Variants in MUC7 observed in about 807,000 individuals in gnomAD.
The protein encoded by MUC7 is mucin 7, secreted.
A neutral mutation model predicts 2.5 loss-of-function variants in MUC7; 2 were observed. The observed-to-expected ratio is 0.81, with a 90% CI of 0.33 to 2.55. The LOEUF is 2.55. MUC7 is among the 30% of genes most tolerant of loss of function. MUC7 has a pLI of 0.11. For missense variants in MUC7, 408 were observed against 455.6 expected (o/e 0.90, Z 0.95); for synonymous variants, 133 against 173.4 (o/e 0.77, Z 1.83).
At chr4:70,441,961 A>G (rs1734018155) in intron 1 of MUC7, among the ~76,000 whole-genome samples, 1 of 152,202 alleles carries the variant, frequency 6.6e-6, no homozygotes, top group Admixed American at 6.5e-5. Context: ...GTGAGTGAAT[A>G]CAACTCTAGA....
In MUC7 at chr4:70,432,635, T is replaced by C. The variant is rs181273450; in HGVS notation, c.-93+1948T>C. 5.3e-5 allele frequency among the ~76,000 whole-genome samples: 8 copies of C among 152,280 alleles called. No individual in the cohort carries two copies. The East Asian group carries it at 1.5e-3, about 29-fold the overall frequency. ...GTTTAAGCTCTTTGTAGATTCTTGA[T>C]ATTAGCCCTTTAGTAGATTGCAAAA... On this transcript the variant is annotated intron_variant, in intron 1 of 3. Coordinates refer to the MUC7 transcript ENST00000413702.
chr4:70,468,585 C>A (rs1468617036), upstream of MUC7, among the ~76,000 whole-genome samples: 4 of 152,100 alleles, frequency 2.6e-5, no homozygotes, highest in Non-Finnish European at 5.9e-5. Context: ...AATCAATGGG[C>A]AAAAATCACA....
upstream of MUC7, among the ~76,000 whole-genome samples, chr4:70,470,761 T>C (rs1009164257): frequency 6.6e-6 from 1 of 152,190 alleles, no homozygotes; most frequent in Non-Finnish European, 1.5e-5. Flanking sequence ...ATATCACTAG[T>C]TGCTAGCAAA....
chr4:70,435,816 G>C (rs1733816989), intron 1 of MUC7, among the ~76,000 whole-genome samples: 2 of 152,252 alleles, frequency 1.3e-5, no homozygotes, highest in Admixed American at 1.3e-4. Flanking sequence ...TTACACTTTG[G>C]CATGTTTTTG....
intron 1 of MUC7, among the ~76,000 whole-genome samples, chr4:70,432,832 A>G (rs191428154): frequency 6.6e-6 from 1 of 152,112 alleles, no homozygotes; most frequent in Non-Finnish European, 1.5e-5. Flanking sequence ...GGTATTGCCT[A>G]GGTTTTCTTC....
upstream of MUC7, among the ~76,000 whole-genome samples, chr4:70,471,681 A>T (rs1560556423): frequency 6.6e-6 from 1 of 152,172 alleles, no homozygotes. Context: ...AAAAGTCAAA[A>T]ATTGTTTTTA....
At chr4:70,443,302 T>C (rs1278043715) in intron 1 of MUC7, among the ~76,000 whole-genome samples, 1 of 137,788 alleles carries the variant, frequency 7.3e-6, no homozygotes. Context: ...AAGAACAACC[T>C]AACACAAAAA....
upstream of MUC7, among the ~76,000 whole-genome samples, chr4:70,468,569 C>A (rs148198124): frequency 1.9e-4 from 29 of 152,230 alleles, no homozygotes; most frequent in African/African-American, 6.5e-4. Context: ...AAGTCTCAGG[C>A]TACAAAATCA....
chr4:70,433,840 A>G (rs1162774997), intron 1 of MUC7, among the ~76,000 whole-genome samples: 2 of 152,220 alleles, frequency 1.3e-5, no homozygotes, highest in Non-Finnish European at 2.9e-5. Context: ...TTGCCCATTC[A>G]GTATAATATT....
chr4:70,459,204 G>T (rs570723480), intron 1 of MUC7, among the ~76,000 whole-genome samples: 1 of 152,104 alleles, frequency 6.6e-6, no homozygotes, highest in Non-Finnish European at 1.5e-5. Context: ...TAATTGACTG[G>T]ATTAAGAAAA....
chr4:70,453,228 T>C (rs1157126835), intron 1 of MUC7, among the ~76,000 whole-genome samples: 2 of 152,198 alleles, frequency 1.3e-5, no homozygotes, highest in Non-Finnish European at 1.5e-5. Flanking sequence ...GCCAGTTCCC[T>C]CAGGCCCCAG....
rs1734851452 is a variant in MUC7 at position 70,472,211 on chromosome 4, C to A, written c.-96C>A. 6.6e-6 allele frequency: 1 copy of A among 152,180 alleles called. No individual in the cohort carries two copies. Among genetic ancestry groups the A allele is most frequent in the Admixed American group, 6.6e-5 (1 of 15,264 alleles). 9.4% of individuals were successfully genotyped at this position (152,180 alleles called of 1,614,324 possible). On this transcript the variant is annotated 5_prime_UTR_variant, in exon 1 of 3. Coordinates refer to ENST00000304887, the MANE Select transcript of MUC7 (RefSeq NM_152291.3). The stretch of plus-strand genomic sequence containing the variant: ...TCTTGTGCTTTCTCTTCTTTTGCTT[C>A]TAGTTACCATCCTCAAAGGATTGGC...
chr4:70,461,564 A>G (rs758493298), intron 1 of MUC7, among the ~76,000 whole-genome samples: 2 of 152,184 alleles, frequency 1.3e-5, no homozygotes, highest in Non-Finnish European at 2.9e-5. Context: ...CTTTAAGTCT[A>G]ATGCCTTCTT....
intron 1 of MUC7, among the ~76,000 whole-genome samples, chr4:70,462,818 A>C (rs1261767068): frequency 6.9e-6 from 1 of 145,002 alleles, no homozygotes; most frequent in East Asian, 2.0e-4. Flanking sequence ...AAAAAAAAAA[A>C]TAAATTAGCT....
chr4:70,435,137 A>G (rs570779983), intron 1 of MUC7, among the ~76,000 whole-genome samples: 2 of 152,292 alleles, frequency 1.3e-5, no homozygotes, highest in African/African-American at 4.8e-5. Context: ...TTATGTGGTC[A>G]ATTTTAGAAT....
intron 1 of MUC7, 144 bp downstream of exon 1, chr4:70,472,435 T>C (rs570070170): frequency 4.4e-4 from 67 of 152,358 alleles, no homozygotes; most frequent in African/African-American, 1.3e-3. Context: ...TAACACTCAA[T>C]TCATATGTTA....
intron 2 of MUC7, among the ~76,000 whole-genome samples, chr4:70,474,710 T>C (rs10003641): frequency 0.23 from 34,515 of 151,906 alleles, 4,657 homozygotes; most frequent in East Asian, 0.4. Context: ...CTTTAGGTCT[T>C]GGTGTGGAAT....
intron 1 of MUC7, among the ~76,000 whole-genome samples, chr4:70,473,359 G>A (rs745397848): frequency 2.0e-5 from 3 of 151,940 alleles, no homozygotes; most frequent in Non-Finnish European, 4.4e-5. Flanking sequence ...TGAGAGGATC[G>A]CTTGAGTCTG....
At chr4:70,447,439 T>G (rs940582244) in intron 1 of MUC7, among the ~76,000 whole-genome samples, 3 of 152,114 alleles carry the variant, frequency 2.0e-5, no homozygotes, top group Non-Finnish European at 4.4e-5. Flanking sequence ...AAAAAAAAAG[T>G]CACAATGGTT....
Sources: gnomAD v4.1 joint callset for allele counts (sites outside exome capture counted in the v4.1 genomes callset) on GRCh38, gnomAD v4.1.1 for gene constraint, MANE v1.5 for transcripts, NCBI Gene and HGNC (gene_info 2026-07-23, HGNC 2026-07-21) for gene names.